The following CACNA2D3 variants were observed in gnomAD, a reference collection of about 807,000 sequenced individuals.
CACNA2D3 encodes the protein calcium voltage-gated channel auxiliary subunit alpha2delta 3.
CACNA2D3 carries 60 observed loss-of-function variants against 160.6 expected under a neutral mutation model. That is an observed-to-expected ratio of 0.37 (90% CI 0.30 to 0.46). The LOEUF (loss-of-function observed/expected upper bound fraction) is 0.46, where lower values mean the gene tolerates loss of function less well. Among genes scored for constraint, CACNA2D3 ranks in the 20% least tolerant of loss-of-function variants. CACNA2D3 has a pLI of 1.00. For synonymous variants in CACNA2D3, 558 were observed against 492.9 expected (o/e 1.13, Z -1.75); for missense variants, 1,205 against 1,365.0 (o/e 0.88, Z 1.85).
At chr3:54,452,565 T>G (rs1421379731) in intron 4 of CACNA2D3, among the ~76,000 whole-genome samples, 1 of 152,242 alleles carries the variant, frequency 6.6e-6, no homozygotes, top group Non-Finnish European at 1.5e-5. Context: ...AGGCTTTTTC[T>G]GTCTTGAATC....
intron 12 of CACNA2D3, among the ~76,000 whole-genome samples, chr3:54,762,749 A>C (rs1392870616): frequency 6.6e-6 from 1 of 152,344 alleles, no homozygotes; most frequent in South Asian, 2.1e-4. Context: ...AAATAGTGTC[A>C]CCAATCACAA....
At chr3:54,567,380 A>AT (rs1364661892) in intron 6 of CACNA2D3, among the ~76,000 whole-genome samples, 1 of 152,236 alleles carries the variant, frequency 6.6e-6, no homozygotes, top group East Asian at 1.9e-4. Flanking sequence ...GAACTTAGGG[A>AT]TAAACCAATG....
At chr3:54,597,958 C>A (rs1012826132) in intron 9 of CACNA2D3, among the ~76,000 whole-genome samples, 9 of 151,988 alleles carry the variant, frequency 5.9e-5, no homozygotes, top group African/African-American at 2.2e-4. Context: ...CATCACACCC[C>A]TGTGAGCTGC....
chr3:54,665,244 G>A (rs1262895695), intron 11 of CACNA2D3, among the ~76,000 whole-genome samples: 5 of 152,250 alleles, frequency 3.3e-5, no homozygotes, highest in East Asian at 1.9e-4. Context: ...GATAGATTCC[G>A]CTTAATGCCA....
intron 2 of CACNA2D3, among the ~76,000 whole-genome samples, chr3:54,242,402 C>T (rs1172694623): frequency 1.3e-5 from 2 of 152,154 alleles, no homozygotes; most frequent in African/African-American, 4.8e-5. Context: ...GAGATCGTGC[C>T]ACTGCACTCC....
At chr3:54,837,119 C>T in intron 14 of CACNA2D3, 40 bp from the exon 15 acceptor site, 3 of 1,595,360 alleles carry the variant, frequency 1.9e-6, no homozygotes, top group East Asian at 2.2e-5. Flanking sequence ...CTGTGGTTTC[C>T]AGACCGTTCC....
chr3:54,292,566 A>C (rs1008774374), intron 2 of CACNA2D3, among the ~76,000 whole-genome samples: 1 of 152,188 alleles, frequency 6.6e-6, no homozygotes, highest in Non-Finnish European at 1.5e-5. Context: ...CAATAAGTAC[A>C]TGAAAAAAAA....
At chr3:54,710,257 G>A (rs1319174166) in intron 11 of CACNA2D3, among the ~76,000 whole-genome samples, 2 of 152,206 alleles carry the variant, frequency 1.3e-5, no homozygotes, top group Non-Finnish European at 2.9e-5. Flanking sequence ...GAAAATCAAT[G>A]TCTTGAAGAA....
chr3:54,775,445 A>G (rs1029012685), intron 13 of CACNA2D3, among the ~76,000 whole-genome samples: 7 of 152,184 alleles, frequency 4.6e-5, no homozygotes, highest in African/African-American at 1.7e-4. Flanking sequence ...GCTTGGCCAC[A>G]TCCCAGGGAG....
chr3:54,978,328 G>A (rs547307167), intron 29 of CACNA2D3, among the ~76,000 whole-genome samples: 96 of 152,158 alleles, frequency 6.3e-4, no homozygotes, highest in African/African-American at 2.3e-3. Context: ...TTAATCCTAA[G>A]GGTTGCAGAG....
chr3:54,497,624 G>A (rs1273474406), intron 4 of CACNA2D3, among the ~76,000 whole-genome samples: 1 of 151,860 alleles, frequency 6.6e-6, no homozygotes, highest in Non-Finnish European at 1.5e-5. Context: ...GTATTTGCCA[G>A]GACCACCTTT....
At chr3:54,642,457 A>T (rs898279920) in intron 11 of CACNA2D3, among the ~76,000 whole-genome samples, 1 of 152,210 alleles carries the variant, frequency 6.6e-6, no homozygotes, top group African/African-American at 2.4e-5. Flanking sequence ...TTGTAAAGAC[A>T]TAGTGGACGT....
Position 55,073,866 on chromosome 3 carries a change from C to CT in CACNA2D3, c.3183+8dup. 6.2e-7 allele frequency: 1 copy of CT among 1,609,886 alleles called. No individual in the cohort carries two copies. The highest frequency in any genetic ancestry group is 1.3e-5 in the African/African-American group (1 of 74,962). Reference sequence around the variant, plus strand: ...TCATGGCTTCCATCCTGAGGTAAGTCTGAGAACTGTTCCTGTTTCCTTTTC... The same window carrying CT: ...TCATGGCTTCCATCCTGAGGTAAGTCTTGAGAACTGTTCCTGTTTCCTTTTC... On this transcript the variant is annotated splice_region_variant and intron_variant, in intron 37 of 37. Transcript: ENST00000474759.
chr3:54,531,293 C>G (rs983910213), intron 5 of CACNA2D3, among the ~76,000 whole-genome samples: 1 of 152,240 alleles, frequency 6.6e-6, no homozygotes, highest in Non-Finnish European at 1.5e-5. Flanking sequence ...CCGGGACTTA[C>G]AGTGCTTCAG....
chr3:54,196,797 T>G (rs1463399459), intron 2 of CACNA2D3, among the ~76,000 whole-genome samples: 1 of 152,202 alleles, frequency 6.6e-6, no homozygotes, highest in Admixed American at 6.5e-5. Context: ...GGCATTGGAA[T>G]TTACTGAATT....
intron 35 of CACNA2D3, among the ~76,000 whole-genome samples, chr3:55,022,721 T>C (rs1559466348): frequency 6.7e-6 from 1 of 149,734 alleles, no homozygotes; most frequent in Non-Finnish European, 1.5e-5. Context: ...TTTTTTTTTT[T>C]CCATACTCTA....
rs73841905 is a variant in CACNA2D3 at position 54,192,928 on chromosome 3, C to T, written c.204+69334C>T. On this transcript the variant is annotated intron_variant, in intron 2 of 37. Transcript: ENST00000474759. ...ACGGGGAGGAAGAATTTAAGAATTACGACAGCAGTGAAATAATGTTAACCG... is the reference window on the plus strand; with the variant it reads ...ACGGGGAGGAAGAATTTAAGAATTATGACAGCAGTGAAATAATGTTAACCG... 3.1e-3 allele frequency among the ~76,000 whole-genome samples: 466 copies of T among 152,306 alleles called. 3 individuals are homozygous for T. Among genetic ancestry groups the T allele is most frequent in the African/African-American group, 0.01 (433 of 41,564 alleles).
At position 55,013,211 on chromosome 3, in the gene CACNA2D3, T is replaced by G. The variant is rs114525010; in HGVS notation, c.2875+3768T>G. Among the ~76,000 whole-genome samples the G allele has an allele frequency of 6.3e-3, 964 of 152,046 alleles. 12 individuals carry two copies. Among genetic ancestry groups the G allele is most frequent in the African/African-American group, 0.022 (919 of 41,472 alleles). ...AGATCTGTTCAACATACCTGAGGGG[T>G]GGGGACTGCTAGAATTTGCCACCAA... is the stretch of plus-strand genomic sequence containing the variant. On this transcript the variant is annotated intron_variant, in intron 34 of 37. Transcript: ENST00000474759.
rs201922898 is a variant in CACNA2D3, at chr3:54,873,392, T to TA, written c.1710+1770_1710+1771insA. On this transcript the variant is annotated intron_variant, in intron 18 of 37. Coordinates refer to ENST00000474759, the MANE Select transcript of CACNA2D3 (RefSeq NM_018398.3). The stretch of plus-strand genomic sequence containing the variant: ...TCTTCACTTTATCTGTTGATTTATT[T>TA]TTTTTGTTGTTTGCTTGTTTGTGAC... Among the ~76,000 whole-genome samples, 583 of 149,848 alleles carry TA rather than the reference T, an allele frequency of 3.9e-3. 10 individuals carry two copies. Among genetic ancestry groups the TA allele is most frequent in the African/African-American group, 0.014 (557 of 39,664 alleles).
Sources: allele counts gnomAD v4.1 joint callset (sites outside exome capture counted in the v4.1 genomes callset), GRCh38; gene constraint gnomAD v4.1.1; transcripts MANE v1.5; gene names NCBI Gene and HGNC (gene_info 2026-07-23, HGNC 2026-07-21).